PARD3: variants seen among roughly 807,000 people sequenced by gnomAD.
The protein encoded by PARD3 is partitioning defective 3 homolog.
Under a neutral mutation model 155.4 loss-of-function variants are expected in PARD3, and 75 were observed. That is an observed-to-expected ratio of 0.48 (90% confidence interval 0.40 to 0.58). PARD3 has a LOEUF of 0.58. PARD3 is among the 20% of genes least tolerant of loss of function. The probability of loss-of-function intolerance (pLI) is 0.00; values close to 1 mark genes in which losing one functional copy is unlikely to be tolerated. For missense variants in PARD3, 1,642 were observed against 1,721.7 expected, an observed-to-expected ratio of 0.95 and a Z score of 0.82; for synonymous variants, 576 against 610.5, an observed-to-expected ratio of 0.94 and a Z score of 0.83.
At chr10:34,804,036 T>G (rs1490499935) in intron 1 of PARD3, among the ~76,000 whole-genome samples, 5 of 56,682 alleles carry the variant, frequency 8.8e-5, no homozygotes, top group Non-Finnish European at 1.4e-4. Context: ...TTTGTTTTTG[T>G]TTTTTTTTTT....
intron 2 of PARD3, among the ~76,000 whole-genome samples, chr10:34,659,766 A>T (rs766434341): frequency 2.0e-5 from 3 of 152,164 alleles, no homozygotes; most frequent in Non-Finnish European, 4.4e-5. Flanking sequence ...GACTCAGTAA[A>T]GCCTTACTTC....
At chr10:34,113,054 A>G (rs776649127) in intron 24 of PARD3, among the ~76,000 whole-genome samples, 51 of 152,260 alleles carry the variant, frequency 3.3e-4, no homozygotes, top group Non-Finnish European at 6.2e-4. Flanking sequence ...GCATGAAACC[A>G]GGGATTTGAC....
At chr10:34,474,377 T>G (rs1227703591) in intron 3 of PARD3, among the ~76,000 whole-genome samples, 1 of 152,216 alleles carries the variant, frequency 6.6e-6, no homozygotes, top group Non-Finnish European at 1.5e-5. Flanking sequence ...TCTTCATCTC[T>G]CACAATGATG....
At chr10:34,277,387 T>A (rs911282386) in intron 21 of PARD3, among the ~76,000 whole-genome samples, 1 of 152,126 alleles carries the variant, frequency 6.6e-6, no homozygotes, top group Admixed American at 6.6e-5. Context: ...AACTGCCCCC[T>A]AACAGTAGGT....
intron 2 of PARD3, among the ~76,000 whole-genome samples, chr10:34,534,785 G>A (rs1307659842): frequency 6.6e-6 from 1 of 152,144 alleles, no homozygotes; most frequent in South Asian, 2.1e-4. Flanking sequence ...CCGAGGTTGG[G>A]GGATCACTTG....
intron 22 of PARD3, among the ~76,000 whole-genome samples, chr10:34,260,339 G>A (rs1190298910): frequency 6.6e-6 from 1 of 152,214 alleles, no homozygotes; most frequent in African/African-American, 2.4e-5. Flanking sequence ...CCAGTAGAAA[G>A]GCAGAGGCTG....
At chr10:34,548,635 C>T (rs2084299192) in intron 2 of PARD3, among the ~76,000 whole-genome samples, 1 of 152,104 alleles carries the variant, frequency 6.6e-6, no homozygotes, top group African/African-American at 2.4e-5. Context: ...AGCAGTCACT[C>T]AATGAATGTG....
At chr10:34,549,043 C>T (rs974812705) in intron 2 of PARD3, among the ~76,000 whole-genome samples, 1 of 152,168 alleles carries the variant, frequency 6.6e-6, no homozygotes, top group East Asian at 1.9e-4. Flanking sequence ...ACTCAGAGCT[C>T]GACAGTTGCA....
intron 20 of PARD3, among the ~76,000 whole-genome samples, chr10:34,301,183 G>A (rs1331837221): frequency 1.3e-5 from 2 of 152,164 alleles, no homozygotes; most frequent in Admixed American, 1.3e-4. Flanking sequence ...CATCAGAGAT[G>A]CTAGCCACAC....
intron 21 of PARD3, among the ~76,000 whole-genome samples, chr10:34,281,789 C>T (rs1351700600): frequency 2.0e-5 from 3 of 151,998 alleles, no homozygotes; most frequent in Non-Finnish European, 4.4e-5. Context: ...AAAAAAAGTT[C>T]TGGTTTGTGG....
chr10:34,351,096 A>G (rs1287123416), intron 14 of PARD3, among the ~76,000 whole-genome samples: 1 of 152,184 alleles, frequency 6.6e-6, no homozygotes, highest in Non-Finnish European at 1.5e-5. Flanking sequence ...TGCATTAGCA[A>G]GCCAAATAGT....
chr10:34,339,595 TC>T (rs893595349), intron 16 of PARD3, among the ~76,000 whole-genome samples: 2 of 152,146 alleles, frequency 1.3e-5, no homozygotes, highest in Admixed American at 1.3e-4. Flanking sequence ...TTATTTCCTT[TC>T]CCCCAGAAAC....
At chr10:34,387,930 A>G (rs1228792583) in intron 7 of PARD3, among the ~76,000 whole-genome samples, 3 of 152,242 alleles carry the variant, frequency 2.0e-5, no homozygotes, top group Non-Finnish European at 2.9e-5. Flanking sequence ...CAATCCTAAC[A>G]TACAGTAGAA....
At chr10:34,560,054 A>G (rs2085338433) in intron 2 of PARD3, among the ~76,000 whole-genome samples, 1 of 152,234 alleles carries the variant, frequency 6.6e-6, no homozygotes, top group African/African-American at 2.4e-5. Flanking sequence ...ATAAAAACCA[A>G]TAAATCTTAT....
chr10:34,480,952 C>T (rs763036104), intron 3 of PARD3, among the ~76,000 whole-genome samples: 6 of 151,818 alleles, frequency 4.0e-5, no homozygotes, highest in Admixed American at 2.0e-4. Context: ...CAGGTGCCTG[C>T]CACCACATCT....
intron 1 of PARD3, among the ~76,000 whole-genome samples, chr10:34,813,360 T>C (rs1178921365): frequency 6.6e-6 from 1 of 152,214 alleles, no homozygotes; most frequent in Admixed American, 6.5e-5. Context: ...CCTGAACAAT[T>C]TGAGTACTCT....
intron 22 of PARD3, among the ~76,000 whole-genome samples, chr10:34,230,793 T>TAGGGCGGGAGGATCACTTG (rs1157531852): frequency 1.3e-5 from 2 of 152,100 alleles, no homozygotes; most frequent in Non-Finnish European, 2.9e-5. Flanking sequence ...TTTGGGAGGC[T>TAGGGCGGGAGGATCACTTG]AGGGCGGGAG....
At position 34,538,851 on chromosome 10, in the gene PARD3, G is replaced by C. The variant is rs572245049; in HGVS notation, c.223-21692C>G. Among the ~76,000 whole-genome samples the C allele has an allele frequency of 8.5e-5, 13 of 152,334 alleles. No homozygotes were observed. In the South Asian group the frequency reaches 2.7e-3, roughly 32 times the overall value. ...TTCTTCTCCTTCTCATTGTGAGAAAGCAAACACACAGTTTCTTCTAGACCT... is the reference window on the plus strand; with the variant it reads ...TTCTTCTCCTTCTCATTGTGAGAAACCAAACACACAGTTTCTTCTAGACCT... On this transcript the variant is annotated intron_variant, in intron 2 of 24. Transcript: ENST00000374788.
At chr10:34,772,043 C>T (rs1036096633) in intron 1 of PARD3, among the ~76,000 whole-genome samples, 1 of 152,118 alleles carries the variant, frequency 6.6e-6, no homozygotes, top group Non-Finnish European at 1.5e-5. Flanking sequence ...TTCATCTCGC[C>T]CAACAAGCAG....
Sources: allele counts gnomAD v4.1 joint callset (sites outside exome capture counted in the v4.1 genomes callset), GRCh38; gene constraint gnomAD v4.1.1; transcripts MANE v1.5; gene names NCBI Gene and HGNC (gene_info 2026-07-23, HGNC 2026-07-21).